Variants in LDLRAD4 observed in about 807,000 individuals in gnomAD.
The protein encoded by LDLRAD4 is low density lipoprotein receptor class A domain containing 4.
LDLRAD4 carries 5 observed loss-of-function variants against 17.0 expected under a neutral mutation model. The observed-to-expected ratio is 0.29, with a 90% CI of 0.15 to 0.62. The LOEUF is 0.62. Ranked by LOEUF, LDLRAD4 falls within the 20% of genes least tolerant of loss-of-function variation. The probability of loss-of-function intolerance (pLI) is 0.84; values close to 1 mark genes in which losing one functional copy is unlikely to be tolerated. For synonymous variants in LDLRAD4, 168 were observed against 171.8 expected, an observed-to-expected ratio of 0.98 and a Z score of 0.17; for missense variants, 340 against 424.7, an observed-to-expected ratio of 0.80 and a Z score of 1.75.
intron 1 of LDLRAD4, among the ~76,000 whole-genome samples, chr18:13,294,185 G>A (rs139991417): frequency 8.5e-5 from 13 of 152,316 alleles, no homozygotes; most frequent in East Asian, 1.9e-4. Context: ...ATTAACCTCC[G>A]GTGATTTAAG....
chr18:13,383,788 G>T (rs2085573957), intron 1 of LDLRAD4, among the ~76,000 whole-genome samples: 1 of 152,078 alleles, frequency 6.6e-6, no homozygotes, highest in Non-Finnish European at 1.5e-5. Flanking sequence ...ACTGAGTGCC[G>T]CTGGGTTCTG....
At chr18:13,234,866 T>C (rs969007397) in intron 1 of LDLRAD4, 1 of 152,222 alleles carries the variant, frequency 6.6e-6, no homozygotes, top group African/African-American at 2.4e-5. Context: ...CCTTCCATTC[T>C]CTCCTCCCAA....
chr18:13,602,239 T>C (rs950176118), intron 3 of LDLRAD4, among the ~76,000 whole-genome samples: 2 of 152,088 alleles, frequency 1.3e-5, no homozygotes, highest in Admixed American at 6.5e-5. Flanking sequence ...ACAAGATCAA[T>C]AGAAGCACAA....
intron 4 of LDLRAD4, chr18:13,642,240 G>A: frequency 3.0e-6 from 3 of 986,670 alleles, no homozygotes; most frequent in Non-Finnish European, 3.6e-6. Flanking sequence ...GCTGGCGCCG[G>A]GGCCGTCGGA....
chr18:13,489,157 C>CTTTTTTTTTT (rs143795732), intron 3 of LDLRAD4: 3 of 136,950 alleles, frequency 2.2e-5, no homozygotes, highest in Non-Finnish European at 3.1e-5. Context: ...TTCTTTCTTT[C>CTTTTTTTTTT]TTTTTTTTTT....
intron 3 of LDLRAD4, among the ~76,000 whole-genome samples, chr18:13,495,550 A>G (rs1300507896): frequency 6.6e-6 from 1 of 152,170 alleles, no homozygotes; most frequent in Non-Finnish European, 1.5e-5. Context: ...GAAGTATAAG[A>G]TGGTGTCACT....
At chr18:13,546,285 A>G (rs895700443) in intron 3 of LDLRAD4, among the ~76,000 whole-genome samples, 85 of 152,180 alleles carry the variant, frequency 5.6e-4, no homozygotes, top group African/African-American at 2.0e-3. Flanking sequence ...CAGCAGGCCA[A>G]CTCCACCACT....
chr18:13,512,021 AAATT>A (rs2147481995), intron 3 of LDLRAD4, among the ~76,000 whole-genome samples: 1 of 152,334 alleles, frequency 6.6e-6, no homozygotes, highest in East Asian at 1.9e-4. Context: ...TTATGCATAG[AAATT>A]AAGTTTCTAA....
chr18:13,641,881 C>T (rs1278202479), intron 4 of LDLRAD4: 1 of 985,388 alleles, frequency 1.0e-6, no homozygotes, highest in Non-Finnish European at 1.2e-6. Flanking sequence ...ACCGCTCAGC[C>T]CCTCTGAGTG....
intron 4 of LDLRAD4, chr18:13,642,439 A>G: frequency 1.7e-6 from 2 of 1,173,380 alleles, no homozygotes; most frequent in South Asian, 8.7e-5. Flanking sequence ...AAGAACCTTT[A>G]CTGAGGCCTG....
At chr18:13,530,274 A>G (rs1601135663) in intron 3 of LDLRAD4, among the ~76,000 whole-genome samples, 1 of 152,236 alleles carries the variant, frequency 6.6e-6, no homozygotes, top group African/African-American at 2.4e-5. Context: ...AGAGGAAGGA[A>G]CACATGTTCG....
At chr18:13,463,509 AACACATATTCTCATCTCCCAAATT>A (rs1165228671) in intron 3 of LDLRAD4, among the ~76,000 whole-genome samples, 1 of 152,258 alleles carries the variant, frequency 6.6e-6, no homozygotes, top group Non-Finnish European at 1.5e-5. Flanking sequence ...AACAGTTGTT[AACACATATTCTCATCTCCCAAATT>A]GTCATTTTTT....
intron 4 of LDLRAD4, among the ~76,000 whole-genome samples, chr18:13,639,503 C>G (rs1017928939): frequency 1.3e-5 from 2 of 152,230 alleles, no homozygotes; most frequent in African/African-American, 4.8e-5. Flanking sequence ...CAGCGTGTGA[C>G]AGCCTTGGTG....
At chr18:13,315,509 A>G (rs1409589621) in intron 1 of LDLRAD4, among the ~76,000 whole-genome samples, 2 of 152,220 alleles carry the variant, frequency 1.3e-5, no homozygotes, top group Non-Finnish European at 2.9e-5. Flanking sequence ...AATGGAATGT[A>G]TAGGCCAGGC....
At chr18:13,241,418 C>T (rs1026798255) in intron 1 of LDLRAD4, 4 of 152,276 alleles carry the variant, frequency 2.6e-5, no homozygotes, top group Non-Finnish European at 2.9e-5. Flanking sequence ...CAGCGGGTCT[C>T]CCGCTCATCA....
intron 2 of LDLRAD4, among the ~76,000 whole-genome samples, chr18:13,416,650 G>A (rs1276303863): frequency 6.6e-6 from 1 of 152,120 alleles, no homozygotes; most frequent in Non-Finnish European, 1.5e-5. Context: ...TAGTAATATA[G>A]GAATTCATTC....
intron 3 of LDLRAD4, among the ~76,000 whole-genome samples, chr18:13,587,647 C>A (rs557619746): frequency 7.9e-5 from 12 of 152,322 alleles, no homozygotes; most frequent in Admixed American, 7.2e-4. Flanking sequence ...TGCAGACTAA[C>A]CTCTCTCTTG....
At chr18:13,640,979 C>T (rs1407386262) in intron 4 of LDLRAD4, among the ~76,000 whole-genome samples, 1 of 152,200 alleles carries the variant, frequency 6.6e-6, no homozygotes, top group Non-Finnish European at 1.5e-5. Flanking sequence ...CACCAGCATA[C>T]GGGTGGATTT....
chr18:13,640,162 G>A (rs1047034214), intron 4 of LDLRAD4, among the ~76,000 whole-genome samples: 12 of 151,990 alleles, frequency 7.9e-5, no homozygotes, highest in Non-Finnish European at 1.0e-4. Flanking sequence ...GTGTGGTGGC[G>A]GGCGCCTGTA....
Sources: gnomAD v4.1 joint callset for allele counts (sites outside exome capture counted in the v4.1 genomes callset) on GRCh38, gnomAD v4.1.1 for gene constraint, MANE v1.5 for transcripts, NCBI Gene and HGNC (gene_info 2026-07-23, HGNC 2026-07-21) for gene names.